The following LRRC4C variants were observed in gnomAD, a reference collection of about 807,000 sequenced individuals.
The protein encoded by LRRC4C is leucine rich repeat containing 4C.
LRRC4C carries 5 observed loss-of-function variants against 33.6 expected under a neutral mutation model. The observed-to-expected ratio is 0.15, with a 90% CI of 0.08 to 0.31. The LOEUF is 0.31. LRRC4C is among the 10% of genes least tolerant of loss of function. LRRC4C has a pLI of 1.00. For synonymous variants in LRRC4C, 329 were observed against 302.0 expected (o/e 1.09, Z -0.93); for missense variants, 560 against 796.7 (o/e 0.70, Z 3.58).
intron 1 of LRRC4C, among the ~76,000 whole-genome samples, chr11:41,033,985 A>C (rs542004547): frequency 1.3e-5 from 2 of 152,176 alleles, no homozygotes; most frequent in African/African-American, 4.8e-5. Flanking sequence ...AGTAAAATTG[A>C]TGTTATTGAG....
At chr11:41,140,908 C>A (rs1427301043) in intron 1 of LRRC4C, among the ~76,000 whole-genome samples, 1 of 152,012 alleles carries the variant, frequency 6.6e-6, no homozygotes, top group African/African-American at 2.4e-5. Context: ...GGAAGATGGA[C>A]AAGTGGTATA....
intron 5 of LRRC4C, among the ~76,000 whole-genome samples, chr11:40,226,411 T>G (rs1864802450): frequency 6.6e-6 from 1 of 152,364 alleles, no homozygotes; most frequent in Admixed American, 6.5e-5. Context: ...GATCCCAGAA[T>G]GCAGTTGTTG....
intron 1 of LRRC4C, among the ~76,000 whole-genome samples, chr11:41,070,334 T>C (rs1006597966): frequency 2.4e-4 from 36 of 152,258 alleles, no homozygotes; most frequent in African/African-American, 8.4e-4. Flanking sequence ...ACTGAGGCTA[T>C]ACCATTCAGG....
intron 1 of LRRC4C, among the ~76,000 whole-genome samples, chr11:41,239,799 T>C (rs905405249): frequency 5.9e-5 from 9 of 152,220 alleles, no homozygotes; most frequent in Non-Finnish European, 1.3e-4. Context: ...GAACAGCTCC[T>C]TGTACAGAAT....
intron 2 of LRRC4C, among the ~76,000 whole-genome samples, chr11:40,772,554 A>C (rs1248000902): frequency 6.6e-6 from 1 of 152,326 alleles, no homozygotes; most frequent in South Asian, 2.1e-4. Context: ...CTAAATATAC[A>C]TTTCTGTAAA....
At chr11:41,196,686 T>C (rs1487235567) in intron 1 of LRRC4C, among the ~76,000 whole-genome samples, 1 of 151,974 alleles carries the variant, frequency 6.6e-6, no homozygotes, top group Non-Finnish European at 1.5e-5. Context: ...GATGAATAGA[T>C]GGATGGACAG....
chr11:41,303,112 C>CCTCTCCCTCTCT lies in LRRC4C; in HGVS notation c.-496+156318_-496+156319insAGAGAGGGAGAG, dbSNP rs1286262709. 2.5e-3 allele frequency among the ~76,000 whole-genome samples: 353 copies of CCTCTCCCTCTCT among 140,750 alleles called. 3 individuals carry two copies. Among genetic ancestry groups the CCTCTCCCTCTCT allele is most frequent in the Middle Eastern group, 7.6e-3 (2 of 262 alleles). 92.3% of individuals were successfully genotyped at this position (140,750 alleles called of 152,430 possible). ...CCCTCTCCCTCTCCCTCTCCCTCTCCCTCTCCCTCACCCCACGGTCTCCCT... is the reference window on the plus strand; with the variant it reads ...CCCTCTCCCTCTCCCTCTCCCTCTCCCTCTCCCTCTCTCTCTCCCTCACCCCACGGTCTCCCT... On this transcript the variant is annotated intron_variant, in intron 1 of 6. Transcript: ENST00000528697.
chr11:40,167,847 C>T (rs1859728448), intron 5 of LRRC4C, among the ~76,000 whole-genome samples: 1 of 152,076 alleles, frequency 6.6e-6, no homozygotes, highest in Non-Finnish European at 1.5e-5. Context: ...GAGTTCAAGA[C>T]CAGCCTGACC....
At position 40,500,309 on chromosome 11, in the gene LRRC4C, C is replaced by T. The variant is rs867784162; in HGVS notation, c.-270+147833G>A. ...ATATATATATACACACACACACACA[C>T]ACACACACACACACACACACACACA... On this transcript the variant is annotated intron_variant, in intron 3 of 6. Coordinates refer to ENST00000528697, the MANE Select transcript of LRRC4C (RefSeq NM_001258419.2). Among the ~76,000 whole-genome samples, 1,238 of 145,242 alleles carry T rather than the reference C, an allele frequency of 8.5e-3. 20 individuals are homozygous for T. The highest frequency in any genetic ancestry group is 0.029 in the African/African-American group (1,166 of 39,816).
chr11:40,406,286 A>C (rs962583527), intron 3 of LRRC4C, among the ~76,000 whole-genome samples: 1 of 152,108 alleles, frequency 6.6e-6, no homozygotes, highest in Non-Finnish European at 1.5e-5. Context: ...TATTTCTTCT[A>C]TAAAGACTTC....
chr11:41,165,856 C>G (rs1944698678), intron 1 of LRRC4C, among the ~76,000 whole-genome samples: 1 of 151,660 alleles, frequency 6.6e-6, no homozygotes, highest in Admixed American at 6.6e-5. Flanking sequence ...ATGGTGAAAC[C>G]CCATCTCTAC....
chr11:40,451,710 G>T (rs958359675), intron 3 of LRRC4C, among the ~76,000 whole-genome samples: 14 of 152,120 alleles, frequency 9.2e-5, no homozygotes, highest in African/African-American at 3.1e-4. Flanking sequence ...GGAAAACTAT[G>T]AACAACTGTA....
intron 4 of LRRC4C, among the ~76,000 whole-genome samples, chr11:40,317,359 G>T (rs1253195465): frequency 6.6e-6 from 1 of 151,876 alleles, no homozygotes; most frequent in Non-Finnish European, 1.5e-5. Context: ...TCTAGGGTTA[G>T]GTGTCCCTTT....
At chr11:41,198,311 T>C (rs1276194973) in intron 1 of LRRC4C, among the ~76,000 whole-genome samples, 1 of 152,018 alleles carries the variant, frequency 6.6e-6, no homozygotes, top group Non-Finnish European at 1.5e-5. Context: ...TGGAAACCTA[T>C]ATTACTATGA....
chr11:40,331,156 G>C (rs1369453036), intron 3 of LRRC4C, among the ~76,000 whole-genome samples: 1 of 152,134 alleles, frequency 6.6e-6, no homozygotes, highest in Non-Finnish European at 1.5e-5. Flanking sequence ...AGGGAGAAAA[G>C]GGAACTTTTA....
chr11:40,238,080 T>C (rs1865685860), intron 5 of LRRC4C, among the ~76,000 whole-genome samples: 1 of 152,176 alleles, frequency 6.6e-6, no homozygotes, highest in Non-Finnish European at 1.5e-5. Flanking sequence ...GGATCCAAAA[T>C]TTGTACGGCA....
chr11:40,478,861 A>C (rs898780054), intron 3 of LRRC4C, among the ~76,000 whole-genome samples: 1 of 152,200 alleles, frequency 6.6e-6, no homozygotes, highest in African/African-American at 2.4e-5. Flanking sequence ...AATCTGCATT[A>C]GGAGGTTTTT....
Position 40,319,386 on chromosome 11 carries a change from C to T in LRRC4C, c.-176+242G>A, listed in dbSNP as rs113400375. ...CCATGTTGGGAGAGCCTGCAGTTGC[C>T]ACGCACTTCTTGGGCCTGGATGGGT... On this transcript the variant is annotated intron_variant, in intron 4 of 6. Coordinates refer to ENST00000528697, the MANE Select transcript of LRRC4C (RefSeq NM_001258419.2). Among the ~76,000 whole-genome samples the T allele has an allele frequency of 3.9e-5, 6 of 152,268 alleles. 1 individual carries two copies. The highest frequency in any genetic ancestry group is 1.4e-4 in the African/African-American group (6 of 41,548).
intron 1 of LRRC4C, among the ~76,000 whole-genome samples, chr11:41,286,657 C>T (rs962961224): frequency 1.5e-5 from 1 of 67,220 alleles, no homozygotes; most frequent in African/African-American, 4.6e-5. Context: ...TTTACTCTTT[C>T]CTACTATTAG....
Sources: gnomAD v4.1 joint callset for allele counts (sites outside exome capture counted in the v4.1 genomes callset) on GRCh38, gnomAD v4.1.1 for gene constraint, MANE v1.5 for transcripts, NCBI Gene and HGNC (gene_info 2026-07-23, HGNC 2026-07-21) for gene names.